The following ATG9B variants were observed in gnomAD, a reference collection of about 807,000 sequenced individuals.
ATG9B encodes the protein autophagy-related protein 9B.
Under a neutral mutation model 92.9 loss-of-function variants are expected in ATG9B, and 92 were observed. The observed-to-expected ratio is 0.99, with a 90% CI of 0.84 to 1.18. ATG9B has a LOEUF of 1.18. Ranked by LOEUF, ATG9B falls within the 50% of genes most tolerant of loss-of-function variation. The probability of loss-of-function intolerance (pLI) is 0.00; values close to 1 mark genes in which losing one functional copy is unlikely to be tolerated. For missense variants in ATG9B, 1,344 were observed against 1,235.0 expected, an observed-to-expected ratio of 1.09 and a Z score of -1.32; for synonymous variants, 599 against 551.4, an observed-to-expected ratio of 1.09 and a Z score of -1.21.
downstream of ATG9B, chr7:151,013,970 C>CG: frequency 6.2e-7 from 1 of 1,607,056 alleles, no homozygotes; most frequent in Non-Finnish European, 8.5e-7. Flanking sequence ...CTAAGGTCTC[C>CG]GAGTCGGGTT....
rs1227410623 is a variant in ATG9B at position 151,018,385 on chromosome 7, A to C, written c.1781T>G (p.Leu594Arg). 4 of 1,586,816 alleles carry C rather than the reference A, an allele frequency of 2.5e-6. No homozygotes were observed. In the South Asian group the frequency reaches 4.6e-5, roughly 18 times the overall value. The stretch of plus-strand genomic sequence containing the variant: ...CTCCGGGAGGTAGTGCATGTGGGCC[A>C]GGGCTGTCTGCAGCAGGAGCTGCGG... ...RAPQLLLQTA[L>R]AHMHYLPEEP... Residue 594 changes from leucine (L) to arginine (R), a missense_variant, in exon 7 of 14, where the codon CTG becomes CGG. Coordinates refer to ENST00000639579, the MANE Select transcript of ATG9B (RefSeq NM_001317056.2). The surrounding 1 kb of genome is among the most constrained non-coding windows in gnomAD (Gnocchi z 4.7).
At chr7:151,013,134 C>A, downstream of ATG9B, 4 of 1,367,528 alleles carry the variant, frequency 2.9e-6, no homozygotes, top group Non-Finnish European at 1.0e-6. Flanking sequence ...CAGCCCAAAA[C>A]GCTGGGCTGC....
At chr7:151,020,920 C>G in intron 5 of ATG9B, 1 of 346,978 alleles carries the variant, frequency 2.9e-6, no homozygotes, top group African/African-American at 2.1e-5. Context: ...TTTCTCTAAT[C>G]AATGTTTTTA....
Position 151,017,244 on chromosome 7 carries a change from G to C in ATG9B, c.2081C>G (p.Ser694Trp), listed in dbSNP as rs556638419. ...GCCGTCCTCCGCACGCTGAGACAGC[G>C]AGGCCTCAGTCTGTCCCGCCGAGAG... ...QWLSAGQTEA[S>W]LSQRAEDGKT... The change falls in exon 9 of 14, where the codon TCG (serine) becomes TGG (tryptophan). Residue 694 changes from serine to tryptophan, a missense_variant. Physicochemically the swap from Ser to Trp is radical, Grantham distance 177 (BLOSUM62 -3). Transcript: ENST00000639579. 1 of 1,605,310 alleles carries C rather than the reference G, an allele frequency of 6.2e-7. No homozygotes were observed. Among genetic ancestry groups the C allele is most frequent in the South Asian group, 1.1e-5 (1 of 90,474 alleles).
At position 151,017,073 on chromosome 7, in the gene ATG9B, G is replaced by T; in HGVS notation, c.2252C>A (p.Ser751Tyr). Residue 751 changes from serine (S) to tyrosine (Y), a missense_variant, in exon 9 of 14, where the codon TCC (serine) becomes TAC (tyrosine). Physicochemically the swap from Ser to Tyr is moderately radical, Grantham distance 144 (BLOSUM62 -2). Coordinates refer to ENST00000639579, the MANE Select transcript of ATG9B (RefSeq NM_001317056.2). Reference sequence around the variant, plus strand: ...GCAGTTGCTGAGCACCCCCGGGGTGGAGGGGCCGCGAGCCGAGGTGGCACC... The same window carrying T: ...GCAGTTGCTGAGCACCCCCGGGGTGTAGGGGCCGCGAGCCGAGGTGGCACC... The part of the protein sequence containing the change: ...AWGATSARGP[S>Y]TPGVLSNCTS... 1 of 1,606,412 alleles carries T rather than the reference G, an allele frequency of 6.2e-7. No homozygotes were observed. The highest frequency in any genetic ancestry group is 1.1e-5 in the South Asian group (1 of 89,934).
intron 8 of ATG9B, 33 bp downstream of exon 8, chr7:151,017,838 C>G: frequency 1.3e-6 from 2 of 1,547,782 alleles, no homozygotes; most frequent in Non-Finnish European, 1.7e-6. Flanking sequence ...TCCCACCCAG[C>G]CCAAACCCCC....
At position 151,016,748 on chromosome 7, in the gene ATG9B, CAG is replaced by C. The variant is rs752999092; in HGVS notation, c.2361_2362del (p.Cys788SerfsTer65). On this transcript the variant is annotated frameshift_variant, in exon 10 of 14. Transcript: ENST00000639579. LOFTEE classifies it high-confidence loss of function. Reference sequence around the variant, plus strand: ...GAGGCTGGCTGTGGCCGCAGCTGGACAGGGGGCTGTCGGGCTCAGATCTCTCG... The same window carrying C: ...GAGGCTGGCTGTGGCCGCAGCTGGACGGGGCTGTCGGGCTCAGATCTCTCG... 11 of 1,612,802 alleles carry C rather than the reference CAG, an allele frequency of 6.8e-6. No individual in the cohort carries two copies. Among genetic ancestry groups the C allele is most frequent in the East Asian group, 6.7e-5 (3 of 44,858 alleles).
chr7:151,022,893 A>T (rs1372376788), intron 4 of ATG9B, 152 bp downstream of exon 4: 2 of 939,280 alleles, frequency 2.1e-6, no homozygotes, highest in South Asian at 1.6e-5. Flanking sequence ...ACACTTAAGT[A>T]CAACTTAAAG....
At chr7:151,013,923 G>A (rs956367031), downstream of ATG9B, 20 of 1,598,570 alleles carry the variant, frequency 1.3e-5, no homozygotes, top group Non-Finnish European at 1.7e-5. Flanking sequence ...CTGCGGGTGC[G>A]GAGGGGCGGG....
Position 151,024,215 on chromosome 7 carries a change from G to T in ATG9B, c.209C>A (p.Thr70Asn). The change falls in exon 1 of 14, where the codon ACC (threonine) becomes AAC (asparagine). Residue 70 changes from threonine to asparagine, a missense_variant. By Grantham distance (65) the Thr-to-Asn change is moderately conservative. Coordinates refer to ENST00000639579, the MANE Select transcript of ATG9B (RefSeq NM_001317056.2). ...RSSPSSFSPP[T>N]AGPPCSVLQG... ...TAGCACTGAGCAAGGGGGCCCTGCG[G>T]TGGGAGGGGAAAATGAGGAGGGGGA... The T allele has an allele frequency of 6.7e-7, 1 of 1,488,902 alleles. No individual in the cohort carries two copies. The highest frequency in any genetic ancestry group is 8.9e-7 in the Non-Finnish European group (1 of 1,117,628). The allele number at this position is 1,488,902 out of a possible 1,614,324, so 92.2% of individuals were successfully genotyped here.
Position 151,018,269 on chromosome 7 carries a change from A to T in ATG9B, c.1872+25T>A, listed in dbSNP as rs750911184. 11 of 1,518,792 alleles carry T rather than the reference A, an allele frequency of 7.2e-6. No individual in the cohort carries two copies. The East Asian group carries it at 2.5e-4, about 34-fold the overall frequency. The allele number at this position is 1,518,792 out of a possible 1,614,324, so 94.1% of individuals were successfully genotyped here. ...AGACAGACCCCACAACTTCCTCCTC[A>T]GCCCGCCGTCGCGCCCACCCTCACC... On this transcript the variant is annotated intron_variant, in intron 7 of 13. Coordinates refer to ENST00000639579, the MANE Select transcript of ATG9B (RefSeq NM_001317056.2). The surrounding 1 kb of genome is among the most constrained non-coding windows in gnomAD (Gnocchi z 4.7).
downstream of ATG9B, chr7:151,013,012 G>C: frequency 5.4e-6 from 3 of 551,256 alleles, no homozygotes; most frequent in East Asian, 9.5e-5. Context: ...TCCACCAGGG[G>C]CCACCACCTC....
chr7:151,013,015 A>G, downstream of ATG9B: 8 of 560,210 alleles, frequency 1.4e-5, 1 homozygote, highest in South Asian at 1.9e-4. Context: ...ACCAGGGGCC[A>G]CCACCTCACC....
At position 151,017,210 on chromosome 7, in the gene ATG9B, C is replaced by T; in HGVS notation, c.2115G>A (p.Glu705=). The change falls in exon 9 of 14, where the codon GAG becomes GAA. Residue 705 remains glutamate (E), a synonymous_variant. Transcript: ENST00000639579. The part of the protein sequence containing the change: ...LSQRAEDGKT[E]LSLMRFSLAH... ...CCAGGGAGAACCGCATCAAAGAAAG[C>T]TCAGTCTTGCCGTCCTCCGCACGCT... The T allele has an allele frequency of 6.2e-7, 1 of 1,612,736 alleles. No individual in the cohort carries two copies. The highest frequency in any genetic ancestry group is 8.5e-7 in the Non-Finnish European group (1 of 1,179,490).
At position 151,017,017 on chromosome 7, in the gene ATG9B, G is replaced by T; in HGVS notation, c.2289+19C>A. 1 of 1,568,916 alleles carries T rather than the reference G, an allele frequency of 6.4e-7. No homozygotes were observed. Among genetic ancestry groups the T allele is most frequent in the Non-Finnish European group, 8.6e-7 (1 of 1,156,140 alleles). ...TTGTGGGGGTGAAGGCAGAAGGGGA[G>T]GCCAGGCTTGGGACTCACCAGGGGC... On this transcript the variant is annotated intron_variant, in intron 9 of 13. Coordinates refer to ENST00000639579, the MANE Select transcript of ATG9B (RefSeq NM_001317056.2).
intron 5 of ATG9B, chr7:151,019,875 A>T (rs1795684166): frequency 6.5e-6 from 1 of 153,290 alleles, no homozygotes; most frequent in South Asian, 2.1e-4. Context: ...TACAAAAAAT[A>T]GCAGGGCGTG....
chr7:151,018,839 C>T lies in ATG9B; in HGVS notation c.1499G>A (p.Arg500His). 2.3e-6 allele frequency: 3 copies of T among 1,292,142 alleles called. No individual in the cohort carries two copies. Among genetic ancestry groups the T allele is most frequent in the Non-Finnish European group, 2.9e-6 (3 of 1,023,600 alleles). 80.0% of individuals were successfully genotyped at this position (1,292,142 alleles called of 1,614,324 possible). A position where few individuals can be genotyped will look rare whatever the true frequency, so the allele number is the denominator to read the frequency against. ...GCGGTAGGCGCGGGCCAGGCGCGCG[C>T]GCAGCTCGTGCGGCAGCTCGTTGAA... ...RHFNELPHEL[R>H]ARLARAYRPA... Residue 500 changes from arginine (R) to histidine (H), a missense_variant, in exon 6 of 14, where the codon CGC (arginine) becomes CAC (histidine). By Grantham distance (29) the Arg-to-His change is conservative. Transcript: ENST00000639579. The surrounding 1 kb of genome is among the most constrained non-coding windows in gnomAD (Gnocchi z 4.7).
chr7:151,018,032 G>T lies in ATG9B; in HGVS notation c.1891C>A (p.Leu631Ile), dbSNP rs1485841695. The change falls in exon 8 of 14, where the codon CTC becomes ATC. Residue 631 changes from leucine to isoleucine, a missense_variant. Coordinates refer to ENST00000639579, the MANE Select transcript of ATG9B (RefSeq NM_001317056.2). This position sits in a 1 kb window ranked among gnomAD's most constrained non-coding sequence, Gnocchi z 4.7. ...AGCGGGGTGAGGAGCGGGGACAGGA[G>T]CTCCTCCAGGAGGGAGACCTGGGGA... ...QYRAVSLLEE[L>I]LSPLLTPLFL... is the part of the protein sequence containing the mutation. 6 of 1,591,598 alleles carry T rather than the reference G, an allele frequency of 3.8e-6. No individual in the cohort carries two copies. Among genetic ancestry groups the T allele is most frequent in the African/African-American group, 1.3e-5 (1 of 74,624 alleles).
chr7:151,021,236 G>T lies in ATG9B; in HGVS notation c.915C>A (p.Ser305Arg), dbSNP rs768864079. 7 of 1,613,576 alleles carry T rather than the reference G, an allele frequency of 4.3e-6. No homozygotes were observed. The highest frequency in any genetic ancestry group is 5.9e-6 in the Non-Finnish European group (7 of 1,179,942). ...TGTAAAACACCTGGATGTCCCAGTAGCTGAAGAGGTTGCAGACTGAGCGAA... is the reference window on the plus strand; with the variant it reads ...TGTAAAACACCTGGATGTCCCAGTATCTGAAGAGGTTGCAGACTGAGCGAA... ...QLLRSVCNLF[S>R]YWDIQVFYRE... The change falls in exon 5 of 14, where the codon AGC becomes AGA. Residue 305 changes from serine (S) to arginine (R), a missense_variant. Ser to Arg is a moderately radical substitution (Grantham distance 110). Coordinates refer to ENST00000639579, the MANE Select transcript of ATG9B (RefSeq NM_001317056.2).
Sources: gnomAD v4.1 joint callset for allele counts on GRCh38, gnomAD v4.1.1 for gene constraint, Gnocchi (gnomAD v3.1) non-coding constraint, MANE v1.5 for transcripts, NCBI Gene and HGNC (gene_info 2026-07-23, HGNC 2026-07-21) for gene names.